The following KLF12 variants were observed in gnomAD, a reference collection of about 807,000 sequenced individuals.
The protein encoded by KLF12 is KLF transcription factor 12.
A neutral mutation model predicts 37.8 loss-of-function variants in KLF12; 9 were observed. The ratio of observed to expected loss-of-function variants is 0.24; its 90% CI spans 0.14 to 0.42. The LOEUF is 0.42. Ranked by LOEUF, KLF12 falls within the 10% of genes least tolerant of loss-of-function variation. The pLI is 1.00. For synonymous variants in KLF12, 208 were observed against 202.1 expected, an observed-to-expected ratio of 1.03 and a Z score of -0.25; for missense variants, 411 against 516.0, an observed-to-expected ratio of 0.80 and a Z score of 1.97.
intron 5 of KLF12, among the ~76,000 whole-genome samples, chr13:73,784,892 T>G (rs1881234654): frequency 6.6e-6 from 1 of 151,952 alleles, no homozygotes; most frequent in Non-Finnish European, 1.5e-5. Flanking sequence ...CGCCTTGGCC[T>G]CCCAAAGTGC....
intron 3 of KLF12, among the ~76,000 whole-genome samples, chr13:73,909,507 A>C (rs988085303): frequency 6.6e-6 from 1 of 152,190 alleles, no homozygotes; most frequent in Non-Finnish European, 1.5e-5. Context: ...TGTTACTTCA[A>C]TGATGCTTAA....
intron 3 of KLF12, among the ~76,000 whole-genome samples, chr13:73,849,506 A>C (rs967952760): frequency 6.6e-6 from 1 of 152,134 alleles, no homozygotes; most frequent in African/African-American, 2.4e-5. Context: ...ATACAAAGGA[A>C]AGAATCCCAA....
intron 2 of KLF12, among the ~76,000 whole-genome samples, chr13:73,984,216 C>T (rs1041696735): frequency 6.6e-6 from 1 of 152,182 alleles, no homozygotes; most frequent in African/African-American, 2.4e-5. Context: ...ACTGTCTTCC[C>T]TGCAGCATGC....
intron 3 of KLF12, among the ~76,000 whole-genome samples, chr13:73,856,704 A>C (rs1402899936): frequency 6.6e-6 from 1 of 152,142 alleles, no homozygotes; most frequent in Non-Finnish European, 1.5e-5. Context: ...CAAACAAAAA[A>C]AGGGCCTGGA....
At chr13:74,251,310 A>AT in the KLF12 span, among the ~76,000 whole-genome samples, 82 of 149,432 alleles carry the variant, frequency 5.5e-4, no homozygotes, top group African/African-American at 1.5e-3. Flanking sequence ...CATCCTGCTA[A>AT]TTTTTTTTTT....
chr13:73,869,099 T>A (rs1169536272), intron 3 of KLF12, among the ~76,000 whole-genome samples: 1 of 152,158 alleles, frequency 6.6e-6, no homozygotes, highest in African/African-American at 2.4e-5. Context: ...TACTTATAAT[T>A]TGTACATCTC....
chr13:73,853,738 A>T (rs1008002259), intron 3 of KLF12, among the ~76,000 whole-genome samples: 13 of 19,568 alleles, frequency 6.6e-4, no homozygotes, highest in South Asian at 3.4e-3. Flanking sequence ...GACCCTGTCT[A>T]AAAAAAAAAA....
At chr13:73,879,196 C>T (rs979560660) in intron 3 of KLF12, among the ~76,000 whole-genome samples, 1 of 152,168 alleles carries the variant, frequency 6.6e-6, no homozygotes, top group African/African-American at 2.4e-5. Context: ...GTGAGTATTA[C>T]ACTGTCTTTC....
chr13:73,821,647 A>C (rs1041060650), intron 4 of KLF12, among the ~76,000 whole-genome samples: 2 of 152,170 alleles, frequency 1.3e-5, no homozygotes, highest in African/African-American at 4.8e-5. Context: ...GGCTTTCCTT[A>C]AGACATTCCT....
At chr13:74,092,506 C>A (rs111711036) in intron 1 of KLF12, among the ~76,000 whole-genome samples, 7,026 of 151,728 alleles carry the variant, frequency 0.046, 530 homozygotes, top group African/African-American at 0.16. Context: ...TGCCTGCAAT[C>A]CCAACTACTT....
intron 3 of KLF12, among the ~76,000 whole-genome samples, chr13:73,869,054 T>C (rs148617639): frequency 2.5e-3 from 388 of 152,306 alleles, no homozygotes; most frequent in African/African-American, 8.6e-3. Flanking sequence ...TAGTTACATA[T>C]ATCTGTGTTT....
chr13:74,006,208 T>C (rs571267875), intron 1 of KLF12, among the ~76,000 whole-genome samples: 17 of 152,338 alleles, frequency 1.1e-4, no homozygotes, highest in African/African-American at 2.6e-4. Context: ...TTTGGCATTA[T>C]AGATAACCTG....
chr13:74,153,975 C>A, the KLF12 span, among the ~76,000 whole-genome samples: 2 of 151,772 alleles, frequency 1.3e-5, no homozygotes, highest in South Asian at 4.2e-4. Flanking sequence ...TGCCTGTAAT[C>A]CCAGCACTTT....
the KLF12 span, among the ~76,000 whole-genome samples, chr13:74,163,835 C>A: frequency 8.2e-5 from 4 of 48,662 alleles, no homozygotes; most frequent in Admixed American, 4.7e-4. Context: ...ATCTTGTGCA[C>A]CCCGTATATA....
At chr13:74,043,619 T>C (rs1219462785) in intron 1 of KLF12, among the ~76,000 whole-genome samples, 1 of 152,200 alleles carries the variant, frequency 6.6e-6, no homozygotes, top group African/African-American at 2.4e-5. Flanking sequence ...TCCCATTTCT[T>C]AAAAGCACAA....
intron 6 of KLF12, among the ~76,000 whole-genome samples, chr13:73,744,024 C>T (rs573818904): frequency 1.5e-4 from 23 of 152,280 alleles, no homozygotes; most frequent in Non-Finnish European, 2.8e-4. Flanking sequence ...TATTTGGAAA[C>T]TCTTCTTATG....
intron 1 of KLF12, among the ~76,000 whole-genome samples, chr13:74,129,771 A>C (rs1878161157): frequency 1.3e-5 from 2 of 152,204 alleles, no homozygotes; most frequent in Admixed American, 1.3e-4. Context: ...GCCGACCAAA[A>C]CAAATTTTTA....
At chr13:73,730,723 C>T (rs982112241) in intron 6 of KLF12, among the ~76,000 whole-genome samples, 6 of 151,050 alleles carry the variant, frequency 4.0e-5, no homozygotes, top group Non-Finnish European at 7.4e-5. Flanking sequence ...AAAGAGAAGG[C>T]GGAAGAGAGA....
At position 73,715,348 on chromosome 13, in the gene KLF12, G is replaced by A. The variant is rs1356625429; in HGVS notation, c.1027+20C>T. The A allele has an allele frequency of 6.2e-7, 1 of 1,605,652 alleles. No individual in the cohort carries two copies. The highest frequency in any genetic ancestry group is 1.7e-5 in the Admixed American group (1 of 59,024). ...TGGACTCTCACTGGCTCACAGGTGA[G>A]AAGCCCTGCAGAGCGGTACCTGTAT... On this transcript the variant is annotated intron_variant, in intron 7 of 7. Transcript: ENST00000377669.
Sources: gnomAD v4.1 joint callset for allele counts (sites outside exome capture counted in the v4.1 genomes callset) on GRCh38, gnomAD v4.1.1 for gene constraint, MANE v1.5 for transcripts, NCBI Gene and HGNC (gene_info 2026-07-23, HGNC 2026-07-21) for gene names.